SGIP1: variants seen among roughly 807,000 people sequenced by gnomAD.
The protein encoded by SGIP1 is SH3GL interacting endocytic adaptor 1, also known as SH3-containing GRB2-like protein 3-interacting protein 1.
Under a neutral mutation model 107.5 loss-of-function variants are expected in SGIP1, and 38 were observed. The observed-to-expected ratio is 0.35, with a 90% CI of 0.27 to 0.46. The LOEUF is 0.46. Ranked by LOEUF, SGIP1 falls within the 20% of genes least tolerant of loss-of-function variation. The probability of loss-of-function intolerance (pLI) is 1.00; values close to 1 mark genes in which losing one functional copy is unlikely to be tolerated. For missense variants in SGIP1, 929 were observed against 1,019.5 expected (o/e 0.91, Z 1.21); for synonymous variants, 365 against 366.1 (o/e 1.00, Z 0.03).
intron 24 of SGIP1, 136 bp downstream of exon 24, chr1:66,741,572 C>A (rs2094446790): frequency 2.3e-6 from 2 of 862,638 alleles, no homozygotes; most frequent in Non-Finnish European, 3.3e-6. Flanking sequence ...ATTAGAAAAC[C>A]AACCAATTAT....
chr1:66,689,540 A>G (rs1016411259), intron 16 of SGIP1, among the ~76,000 whole-genome samples: 7 of 152,226 alleles, frequency 4.6e-5, no homozygotes, highest in Non-Finnish European at 8.8e-5. Context: ...GACGATAGTA[A>G]CATTCATAGA....
At chr1:66,690,168 A>G (rs760706657) in intron 16 of SGIP1, 22 bp from the exon 17 acceptor site, 18 of 1,600,360 alleles carry the variant, frequency 1.1e-5, no homozygotes, top group Non-Finnish European at 1.4e-5. Flanking sequence ...CTAACTTTTC[A>G]TCTCTTTTCT....
chr1:66,636,047 A>T, intron 4 of SGIP1, 32 bp downstream of exon 4: 1 of 1,595,592 alleles, frequency 6.3e-7, no homozygotes, highest in Non-Finnish European at 8.6e-7. Context: ...TAAAATTTCC[A>T]AAGGGTTATA....
intron 1 of SGIP1, among the ~76,000 whole-genome samples, chr1:66,576,868 G>T (rs2061137235): frequency 6.6e-6 from 1 of 152,104 alleles, no homozygotes; most frequent in South Asian, 2.1e-4. Context: ...TCAGACAAGG[G>T]GTATTATTGT....
rs188518712 is a variant in SGIP1, at chr1:66,677,770, C to G, written c.739+674C>G. On this transcript the variant is annotated intron_variant, in intron 13 of 24. Transcript: ENST00000371037. ...CCTTCTTAAAGATTTATTGAATTCC[C>G]TTTTCAGTAGACTGCCTCTGAAGCA... 1.5e-4 allele frequency among the ~76,000 whole-genome samples: 23 copies of G among 152,290 alleles called. No individual in the cohort carries two copies. The East Asian group carries it at 3.5e-3, about 23-fold the overall frequency.
At chr1:66,724,676 C>G (rs1469791979) in intron 19 of SGIP1, among the ~76,000 whole-genome samples, 1 of 152,138 alleles carries the variant, frequency 6.6e-6, no homozygotes, top group Non-Finnish European at 1.5e-5. Flanking sequence ...ACAAGAACAA[C>G]TTGCATAGTT....
At chr1:66,713,845 CA>C (rs1465563893) in intron 18 of SGIP1, among the ~76,000 whole-genome samples, 1 of 152,006 alleles carries the variant, frequency 6.6e-6, no homozygotes, top group Non-Finnish European at 1.5e-5. Context: ...ATCAAGCCAC[CA>C]AAATCAATAT....
chr1:66,627,188 A>T (rs902526303), intron 2 of SGIP1, among the ~76,000 whole-genome samples: 2 of 152,024 alleles, frequency 1.3e-5, no homozygotes, highest in Non-Finnish European at 2.9e-5. Flanking sequence ...AGCAACTAAG[A>T]TGGGATTTCA....
intron 20 of SGIP1, among the ~76,000 whole-genome samples, chr1:66,731,005 C>T (rs577315516): frequency 6.6e-6 from 1 of 152,308 alleles, no homozygotes; most frequent in South Asian, 2.1e-4. Context: ...ATTGCAGTTT[C>T]TACCGTTACT....
intron 1 of SGIP1, chr1:66,616,139 C>T (rs1461628981): frequency 1.3e-5 from 2 of 152,188 alleles, no homozygotes; most frequent in Admixed American, 1.3e-4. Flanking sequence ...TTAATCCCCA[C>T]TTATATTTTA....
chr1:66,666,359 GT>G, intron 8 of SGIP1: 1 of 180,750 alleles, frequency 5.5e-6, no homozygotes, highest in South Asian at 1.0e-4. Flanking sequence ...GCAGCATGCT[GT>G]TTTGGTTACT....
chr1:66,549,105 C>T (rs1273062590), intron 1 of SGIP1, among the ~76,000 whole-genome samples: 1 of 152,122 alleles, frequency 6.6e-6, no homozygotes, highest in African/African-American at 2.4e-5. Flanking sequence ...CCCCCCTGGG[C>T]AAGCCTGAGC....
At position 66,694,947 on chromosome 1, in the gene SGIP1, T is replaced by C. The variant is rs527896391; in HGVS notation, c.1571-487T>C. 1.4e-4 allele frequency: 31 copies of C among 227,666 alleles called. 2 individuals carry two copies. The highest frequency in any genetic ancestry group is 7.0e-4 in the African/African-American group (31 of 44,448). The allele number at this position is 227,666 out of a possible 1,614,324, so 14.1% of individuals were successfully genotyped here. A position where few individuals can be genotyped will look rare whatever the true frequency, so the allele number is the denominator to read the frequency against. ...GAGGGGATGGAAGATATGTGACATCTTCCCTGAAATTTATATTGATATGCA... is the reference window on the plus strand; with the variant it reads ...GAGGGGATGGAAGATATGTGACATCCTCCCTGAAATTTATATTGATATGCA... On this transcript the variant is annotated intron_variant, in intron 17 of 24. Coordinates refer to ENST00000371037, the MANE Select transcript of SGIP1 (RefSeq NM_032291.4).
intron 18 of SGIP1, among the ~76,000 whole-genome samples, chr1:66,698,169 C>A (rs1024972599): frequency 6.6e-6 from 1 of 152,132 alleles, no homozygotes; most frequent in Admixed American, 6.6e-5. Flanking sequence ...TGGCGTATGA[C>A]TTTATTTGAG....
rs1306422063 is a variant in SGIP1, at chr1:66,534,231, C to T, written c.-128C>T. On this transcript the variant is annotated 5_prime_UTR_variant, in exon 1 of 25. Coordinates refer to ENST00000371037, the MANE Select transcript of SGIP1 (RefSeq NM_032291.4). ...TGTCTTTTGGCTTAACACTTATCTC[C>T]TTTGGCTTTGACAGCGGACGGAATA... The T allele has an allele frequency of 5.1e-6, 5 of 975,772 alleles. No individual in the cohort carries two copies. Among genetic ancestry groups the T allele is most frequent in the Non-Finnish European group, 8.2e-6 (5 of 611,306 alleles). The allele number at this position is 975,772 out of a possible 1,614,324, so 60.4% of individuals were successfully genotyped here.
chr1:66,685,106 C>T (rs1363226085), intron 15 of SGIP1, among the ~76,000 whole-genome samples: 2 of 152,120 alleles, frequency 1.3e-5, no homozygotes, highest in African/African-American at 4.8e-5. Flanking sequence ...TAGGGTATGG[C>T]CTCATGTTTT....
chr1:66,740,596 A>G lies in SGIP1; in HGVS notation c.2235-62A>G, dbSNP rs1249692700. On this transcript the variant is annotated intron_variant, in intron 22 of 24. Coordinates refer to ENST00000371037, the MANE Select transcript of SGIP1 (RefSeq NM_032291.4). ...AATTAATACTATCTGGAAAAAAAAC[A>G]TGGCATCCAGTAAACAAAAACTCTT... 5 of 1,025,542 alleles carry G rather than the reference A, an allele frequency of 4.9e-6. No individual in the cohort carries two copies. In the East Asian group the frequency reaches 9.7e-5, roughly 20 times the overall value. The allele number at this position is 1,025,542 out of a possible 1,614,324, so 63.5% of individuals were successfully genotyped here. A position where few individuals can be genotyped will look rare whatever the true frequency, so the allele number is the denominator to read the frequency against.
intron 17 of SGIP1, among the ~76,000 whole-genome samples, chr1:66,692,337 A>G (rs924416506): frequency 1.3e-5 from 2 of 152,120 alleles, no homozygotes; most frequent in African/African-American, 4.8e-5. Flanking sequence ...ATAGCCACAT[A>G]AGAGGATAGT....
chr1:66,617,093 G>T (rs1007624881), intron 1 of SGIP1, among the ~76,000 whole-genome samples: 1 of 152,170 alleles, frequency 6.6e-6, no homozygotes, highest in East Asian at 1.9e-4. Flanking sequence ...AGAAATGTAG[G>T]TGAAGCATTC....
Sources: gnomAD v4.1 joint callset for allele counts (sites outside exome capture counted in the v4.1 genomes callset) on GRCh38, gnomAD v4.1.1 for gene constraint, MANE v1.5 for transcripts, NCBI Gene and HGNC (gene_info 2026-07-23, HGNC 2026-07-21) for gene names.